Variants in IFT57 observed in about 807,000 individuals in gnomAD.
The protein encoded by IFT57 is intraflagellar transport 57, also known as intraflagellar transport protein 57 homolog.
In IFT57, 59 loss-of-function variants were observed where a neutral mutation model predicts 56.8. The observed-to-expected ratio is 1.04, with a 90% CI of 0.84 to 1.29. IFT57 has a LOEUF of 1.29. IFT57 is among the 50% of genes most tolerant of loss of function. The pLI, the probability that IFT57 is intolerant of heterozygous loss-of-function variation, is 0.00. For missense variants in IFT57, 470 were observed against 522.1 expected, an observed-to-expected ratio of 0.90 and a Z score of 0.97; for synonymous variants, 209 against 186.1, an observed-to-expected ratio of 1.12 and a Z score of -1.00.
intron 4 of IFT57, among the ~76,000 whole-genome samples, chr3:108,208,047 G>GAAAAAAAAAAAAAAAAAAA (rs869115655): frequency 2.2e-5 from 2 of 92,364 alleles, no homozygotes; most frequent in Non-Finnish European, 2.4e-5. Flanking sequence ...CGTCTCAAAA[G>GAAAAAAAAAAAAAAAAAAA]AAAAAAAAAA....
In IFT57 at chr3:108,189,299, A is replaced by T. The variant is rs376663354; in HGVS notation, c.777+2222T>A. On this transcript the variant is annotated intron_variant, in intron 6 of 10. Coordinates refer to ENST00000264538, the MANE Select transcript of IFT57 (RefSeq NM_018010.4). ...TAGAATTTGTTCTACAGCTGTTCAC[A>T]GTGTAGTAAGACCTCTGTTGCTCTC... 7.2e-4 allele frequency among the ~76,000 whole-genome samples: 110 copies of T among 152,342 alleles called. 3 individuals are homozygous for T. In the South Asian group the frequency reaches 0.017, roughly 24 times the overall value.
chr3:108,192,372 T>C (rs1010290080), intron 5 of IFT57, among the ~76,000 whole-genome samples: 1 of 152,074 alleles, frequency 6.6e-6, no homozygotes. Context: ...ATAGACATAC[T>C]TGAACTCAAT....
intron 5 of IFT57, among the ~76,000 whole-genome samples, chr3:108,196,818 T>C (rs1277249961): frequency 6.6e-6 from 1 of 152,220 alleles, no homozygotes; most frequent in Non-Finnish European, 1.5e-5. Flanking sequence ...CATCCATGTT[T>C]GCATATCTAT....
In IFT57 at chr3:108,166,953, A is replaced by T; in HGVS notation, c.882T>A (p.Thr294=). ...GFLDKLHNEI[T]RTLEKISSRE... The stretch of plus-strand genomic sequence containing the variant: ...GGCTGCTGATCTTTTCCAAAGTCCT[A>T]GTAATTTCATTATGGAGTTTGTCCA... The change falls in exon 8 of 11, where the codon ACT becomes ACA. Residue 294 remains threonine (T), a synonymous_variant. Transcript: ENST00000264538. The T allele has an allele frequency of 6.2e-7, 1 of 1,610,418 alleles. No individual in the cohort carries two copies. Among genetic ancestry groups the T allele is most frequent in the South Asian group, 1.1e-5 (1 of 90,528 alleles).
chr3:108,167,993 T>C, intron 6 of IFT57, 129 bp from the exon 7 acceptor site: 1 of 499,720 alleles, frequency 2.0e-6, no homozygotes, highest in Non-Finnish European at 3.5e-6. Context: ...GCCCTATTTA[T>C]AGCTTGCAAT....
intron 6 of IFT57, among the ~76,000 whole-genome samples, chr3:108,184,734 T>G (rs62262414): frequency 6.6e-6 from 1 of 152,132 alleles, no homozygotes; most frequent in African/African-American, 2.4e-5. Flanking sequence ...GTTGCAAATA[T>G]TGCTTAAAAT....
intron 6 of IFT57, among the ~76,000 whole-genome samples, chr3:108,179,107 T>A (rs1426354235): frequency 1.3e-5 from 2 of 151,930 alleles, no homozygotes; most frequent in East Asian, 3.9e-4. Context: ...AGAGGCTGTC[T>A]GCTGACCATA....
intron 6 of IFT57, among the ~76,000 whole-genome samples, chr3:108,180,512 A>T (rs2108313638): frequency 6.6e-6 from 1 of 152,102 alleles, no homozygotes; most frequent in East Asian, 1.9e-4. Flanking sequence ...GTATGAATCA[A>T]AACTTGGATC....
At chr3:108,173,792 GTGTGTGTGTGTGTGTGTATA>G (rs1363041443) in intron 6 of IFT57, among the ~76,000 whole-genome samples, 2 of 148,088 alleles carry the variant, frequency 1.4e-5, no homozygotes, top group African/African-American at 5.1e-5. Flanking sequence ...GTGTGTGTGT[GTGTGTGTGTGTGTGTGTATA>G]TAATATAGTA....
At position 108,222,378 on chromosome 3, in the gene IFT57, G is replaced by C; in HGVS notation, c.-56C>G. 1 of 1,508,572 alleles carries C rather than the reference G, an allele frequency of 6.6e-7. No homozygotes were observed. The highest frequency in any genetic ancestry group is 8.9e-7 in the Non-Finnish European group (1 of 1,129,114). 93.4% of individuals were successfully genotyped at this position (1,508,572 alleles called of 1,614,324 possible). ...AGGCCCACAGACCTCTGCGGCCTAA[G>C]CCGCCAGCCCTGCCGCCGCCAGTAC... On this transcript the variant is annotated 5_prime_UTR_variant, in exon 1 of 11. Coordinates refer to ENST00000264538, the MANE Select transcript of IFT57 (RefSeq NM_018010.4).
chr3:108,202,730 T>C (rs766506189), intron 5 of IFT57, among the ~76,000 whole-genome samples: 42 of 152,284 alleles, frequency 2.8e-4, no homozygotes, highest in Middle Eastern at 3.4e-3. Context: ...AAAATCATAA[T>C]TGGGGTAAGG....
rs2080037280 is a variant in IFT57, at chr3:108,162,222, C to T, written c.*255G>A. ...CACAAGGAATGCTATGAAAAATGAG[C>T]CACCAGGTGGGAGCTTTAACATAGG... On this transcript the variant is annotated 3_prime_UTR_variant, in exon 11 of 11. Transcript: ENST00000264538. 6.4e-6 allele frequency: 2 copies of T among 312,250 alleles called. No individual in the cohort carries two copies. The highest frequency in any genetic ancestry group is 4.6e-5 in the Admixed American group (1 of 21,534). The allele number at this position is 312,250 out of a possible 1,614,324, so 19.3% of individuals were successfully genotyped here.
At chr3:108,214,178 TTCTATGTAAAAAGCAAAAG>T (rs1486720963) in intron 3 of IFT57, among the ~76,000 whole-genome samples, 157 bp from the exon 4 acceptor site, 9 of 152,262 alleles carry the variant, frequency 5.9e-5, no homozygotes, top group Admixed American at 3.3e-4. Context: ...TCCTAAAACT[TTCTATGTAAAAAGCAAAAG>T]TGTTTATCTC....
At chr3:108,190,085 G>A (rs991496068) in intron 6 of IFT57, among the ~76,000 whole-genome samples, 5 of 152,094 alleles carry the variant, frequency 3.3e-5, no homozygotes, top group Admixed American at 6.6e-5. Context: ...TGGTTGTAAC[G>A]TTTATTGGGA....
intron 6 of IFT57, among the ~76,000 whole-genome samples, chr3:108,191,235 C>A (rs1295175938): frequency 6.6e-6 from 1 of 152,160 alleles, no homozygotes; most frequent in Non-Finnish European, 1.5e-5. Flanking sequence ...TTCATCTAAA[C>A]ATAATATGAT....
intron 8 of IFT57, among the ~76,000 whole-genome samples, 180 bp from the exon 9 acceptor site, chr3:108,165,673 A>G (rs1373859945): frequency 6.6e-6 from 1 of 152,090 alleles, no homozygotes; most frequent in Non-Finnish European, 1.5e-5. Flanking sequence ...AATAGGCAGC[A>G]TGTATTTAAC....
chr3:108,184,768 T>A (rs769527678), intron 6 of IFT57, among the ~76,000 whole-genome samples: 26 of 152,174 alleles, frequency 1.7e-4, no homozygotes, highest in Non-Finnish European at 3.4e-4. Context: ...CATGTCCAAG[T>A]GAGCAGTTAG....
At chr3:108,172,434 T>A (rs188773194) in intron 6 of IFT57, among the ~76,000 whole-genome samples, 83 of 152,002 alleles carry the variant, frequency 5.5e-4, no homozygotes, top group African/African-American at 1.9e-3. Flanking sequence ...ATGTACATAA[T>A]GGGGAGCTAT....
At chr3:108,174,748 T>G (rs1182869013) in intron 6 of IFT57, among the ~76,000 whole-genome samples, 1 of 151,836 alleles carries the variant, frequency 6.6e-6, no homozygotes, top group Non-Finnish European at 1.5e-5. Flanking sequence ...CTCCTGCTCT[T>G]TCTTTCAGCC....
Sources: allele counts gnomAD v4.1 joint callset (sites outside exome capture counted in the v4.1 genomes callset), GRCh38; gene constraint gnomAD v4.1.1; transcripts MANE v1.5; gene names NCBI Gene and HGNC (gene_info 2026-07-23, HGNC 2026-07-21).